CCDC201: variants seen among roughly 807,000 people sequenced by gnomAD.
CCDC201 encodes coiled-coil domain-containing protein 201.
At chr7:45,880,471 C>T in the CCDC201 span, among the ~76,000 whole-genome samples, 1 of 152,150 alleles carries the variant, frequency 6.6e-6, no homozygotes, top group Admixed American at 6.5e-5. Flanking sequence ...AGGTGATGGG[C>T]ACACTGTATG....
chr7:45,862,015 G>T (rs1786608336), exon 3 of CCDC201: 1 of 152,238 alleles, frequency 6.6e-6, no homozygotes. Context: ...GAAGCTACCT[G>T]GACATCTCTT....
chr7:45,872,762 G>T (rs1413262346), intron 1 of CCDC201, among the ~76,000 whole-genome samples: 1 of 152,164 alleles, frequency 6.6e-6, no homozygotes. Context: ...GAGACTCTGG[G>T]CAAGGCTCCC....
At chr7:45,866,882 A>G (rs1462981641) in intron 1 of CCDC201, among the ~76,000 whole-genome samples, 1 of 151,142 alleles carries the variant, frequency 6.6e-6, no homozygotes, top group Non-Finnish European at 1.5e-5. Context: ...CTCACAACAT[A>G]AAAAGGCAAA....
upstream of CCDC201, among the ~76,000 whole-genome samples, chr7:45,873,384 GAA>G (rs11377263): frequency 6.2e-5 from 9 of 144,326 alleles, no homozygotes; most frequent in Admixed American, 2.8e-4. Context: ...AAGGCAACTG[GAA>G]AAAAAAAAAA....
chr7:45,864,300 G>A (rs897240019), intron 2 of CCDC201, among the ~76,000 whole-genome samples: 1 of 152,196 alleles, frequency 6.6e-6, no homozygotes, highest in Non-Finnish European at 1.5e-5. Flanking sequence ...TCCATCGGGA[G>A]CATCCACAAC....
the CCDC201 span, among the ~76,000 whole-genome samples, chr7:45,885,005 T>C: frequency 6.6e-6 from 1 of 152,028 alleles, no homozygotes; most frequent in Admixed American, 6.6e-5. Flanking sequence ...ATGGAGAAGC[T>C]GGAAGGAAGA....
chr7:45,869,362 A>G (rs1477399927), intron 1 of CCDC201, among the ~76,000 whole-genome samples: 1 of 152,238 alleles, frequency 6.6e-6, no homozygotes, highest in East Asian at 1.9e-4. Flanking sequence ...CAGATGGCTT[A>G]TTGGCCTGAA....
At chr7:45,871,191 C>T (rs1786739836) in intron 1 of CCDC201, among the ~76,000 whole-genome samples, 1 of 152,116 alleles carries the variant, frequency 6.6e-6, no homozygotes, top group Non-Finnish European at 1.5e-5. Flanking sequence ...TGTCATGTGG[C>T]AGAAGGTACA....
chr7:45,866,173 G>A (rs6967436), exon 2 of CCDC201: 30,628 of 196,358 alleles, frequency 0.16, 2,738 homozygotes, highest in East Asian at 0.28. Flanking sequence ...TGCCGCTGCC[G>A]CTGGGTTAAG....
the CCDC201 span, among the ~76,000 whole-genome samples, chr7:45,883,307 G>T: frequency 2.0e-5 from 3 of 152,222 alleles, no homozygotes; most frequent in African/African-American, 7.2e-5. Flanking sequence ...ACACACAGAA[G>T]TACGTAGATA....
At chr7:45,875,034 G>A (rs1471086833), upstream of CCDC201, among the ~76,000 whole-genome samples, 2 of 152,218 alleles carry the variant, frequency 1.3e-5, no homozygotes, top group African/African-American at 4.8e-5. Flanking sequence ...AAATAAATTA[G>A]AATGAGTCTG....
At chr7:45,870,730 A>AT (rs1295666826) in intron 1 of CCDC201, among the ~76,000 whole-genome samples, 2 of 152,042 alleles carry the variant, frequency 1.3e-5, no homozygotes, top group Non-Finnish European at 2.9e-5. Context: ...ACTGAGACTG[A>AT]TTCACCTTTT....
chr7:45,879,680 A>G, the CCDC201 span, among the ~76,000 whole-genome samples: 1 of 152,252 alleles, frequency 6.6e-6, no homozygotes, highest in Non-Finnish European at 1.5e-5. Context: ...AACAGTGGGA[A>G]TTATAATTTG....
chr7:45,871,763 G>A (rs1193186282), intron 1 of CCDC201, among the ~76,000 whole-genome samples: 1 of 152,160 alleles, frequency 6.6e-6, no homozygotes, highest in African/African-American at 2.4e-5. Flanking sequence ...CATAGAAACT[G>A]GTCCTTCAGT....
upstream of CCDC201, among the ~76,000 whole-genome samples, chr7:45,877,893 A>G (rs1240033103): frequency 2.6e-5 from 4 of 152,238 alleles, no homozygotes; most frequent in Non-Finnish European, 5.9e-5. Flanking sequence ...GTCCAGGTCC[A>G]AAATCTCATC....
chr7:45,875,439 C>CAAAAAAAAAAAAAAAAAAAAA, upstream of CCDC201, among the ~76,000 whole-genome samples: 1 of 104,932 alleles, frequency 9.5e-6, no homozygotes, highest in Non-Finnish European at 2.0e-5. Flanking sequence ...AGGCTTCAGT[C>CAAAAAAAAAAAAAAAAAAAAA]AAAAAAAAAA....
chr7:45,870,064 G>A (rs934324157), intron 1 of CCDC201, among the ~76,000 whole-genome samples: 1 of 152,154 alleles, frequency 6.6e-6, no homozygotes, highest in Non-Finnish European at 1.5e-5. Flanking sequence ...TGATCCACGT[G>A]CCTCGGCCTC....
the CCDC201 span, among the ~76,000 whole-genome samples, chr7:45,879,610 G>T: frequency 6.6e-6 from 1 of 152,310 alleles, no homozygotes; most frequent in South Asian, 2.1e-4. Flanking sequence ...TAGGGGGATG[G>T]TGTTAAACAA....
At chr7:45,883,955 A>T in the CCDC201 span, among the ~76,000 whole-genome samples, 1 of 151,308 alleles carries the variant, frequency 6.6e-6, no homozygotes, top group Non-Finnish European at 1.5e-5. Context: ...TCCAGAACCG[A>T]TCTTTCTTTC....
Sources: allele counts gnomAD v4.1 joint callset (sites outside exome capture counted in the v4.1 genomes callset), GRCh38; gene constraint gnomAD v4.1.1; transcripts MANE v1.5; gene names NCBI Gene and HGNC (gene_info 2026-07-23, HGNC 2026-07-21).